PHF2: variants seen among roughly 807,000 people sequenced by gnomAD.
PHF2 encodes lysine-specific demethylase PHF2.
Under a neutral mutation model 120.5 loss-of-function variants are expected in PHF2, and 27 were observed. The ratio of observed to expected loss-of-function variants is 0.22; its 90% confidence interval spans 0.17 to 0.31. The LOEUF (loss-of-function observed/expected upper bound fraction) is 0.31, where lower values mean the gene tolerates loss of function less well. Ranked by LOEUF, PHF2 falls within the 10% of genes least tolerant of loss-of-function variation. The probability of loss-of-function intolerance (pLI) is 1.00; values close to 1 mark genes in which losing one functional copy is unlikely to be tolerated. For missense variants in PHF2, 1,024 were observed against 1,434.8 expected (o/e 0.71, Z 4.63); for synonymous variants, 568 against 592.5 (o/e 0.96, Z 0.60).
chr9:93,618,980 A>G lies in PHF2; in HGVS notation c.99-10990A>G, dbSNP rs1380068341. ...CCAGGCCTCACTCTAGTGCTTGTTC[A>G]CTTCCCTGTGGGTCTGATCCTCTTC... On this transcript the variant is annotated intron_variant, in intron 1 of 21. Coordinates refer to ENST00000359246, the MANE Select transcript of PHF2 (RefSeq NM_005392.4). 3.2e-4 allele frequency among the ~76,000 whole-genome samples: 3 copies of G among 9,378 alleles called. No individual in the cohort carries two copies. The East Asian group carries it at 8.3e-3, about 26-fold the overall frequency. 6.2% of individuals were successfully genotyped at this position (9,378 alleles called of 152,430 possible).
chr9:93,660,486 A>G lies in PHF2; in HGVS notation c.1624A>G (p.Ile542Val). The change falls in exon 12 of 22, where the codon ATC (isoleucine) becomes GTC (valine). Residue 542 changes from isoleucine (I) to valine (V), a missense_variant. Around this residue, in one of 2 missense-constraint regions of PHF2, gnomAD observed 677 missense variants for 857.4 expected, o/e 0.79. Coordinates refer to ENST00000359246, the MANE Select transcript of PHF2 (RefSeq NM_005392.4). The stretch of plus-strand genomic sequence containing the variant: ...GTCCCGGGAGTCAGCCTCACCCACC[A>G]TCCCCAACCTGGACCTGCTCGAAGC... ...KKSRESASPT[I>V]PNLDLLEAHT... 1 of 1,585,536 alleles carries G rather than the reference A, an allele frequency of 6.3e-7. No homozygotes were observed. The highest frequency in any genetic ancestry group is 8.6e-7 in the Non-Finnish European group (1 of 1,167,504).
Position 93,675,795 on chromosome 9 carries a change from G to T in PHF2, c.2832+6G>T. On this transcript the variant is annotated splice_donor_region_variant and intron_variant, in intron 20 of 21. Coordinates refer to ENST00000359246, the MANE Select transcript of PHF2 (RefSeq NM_005392.4). ...CAGCTAAGTTGTCCCAGCAGGTGAG[G>T]AGGGGCGAGAAGGACACACGGCAGC... 3 of 1,605,790 alleles carry T rather than the reference G, an allele frequency of 1.9e-6. No individual in the cohort carries two copies. Among genetic ancestry groups the T allele is most frequent in the East Asian group, 4.5e-5 (2 of 44,842 alleles).
At chr9:93,642,990 G>A (rs980644472) in intron 3 of PHF2, among the ~76,000 whole-genome samples, 2 of 151,716 alleles carry the variant, frequency 1.3e-5, no homozygotes, top group African/African-American at 4.8e-5. Context: ...GCATCCTCTT[G>A]ATTTCCTTCT....
In PHF2 at chr9:93,659,768, G is replaced by A. The variant is rs75271573; in HGVS notation, c.1329+168G>A. On this transcript the variant is annotated intron_variant, in intron 11 of 21. Transcript: ENST00000359246. ...CCTGGGCAAGCTTGCCTTTGTGAGG[G>A]CTCAGGGTCCTAGGTCTCTGGCTGG... Among the ~76,000 whole-genome samples, 1,244 of 152,334 alleles carry A rather than the reference G, an allele frequency of 8.2e-3. 20 individuals are homozygous for A. Among genetic ancestry groups the A allele is most frequent in the African/African-American group, 0.028 (1,159 of 41,568 alleles).
At chr9:93,634,785 C>G (rs1271769350) in intron 2 of PHF2, among the ~76,000 whole-genome samples, 1 of 152,234 alleles carries the variant, frequency 6.6e-6, no homozygotes, top group Non-Finnish European at 1.5e-5. Context: ...GCATAGGGGA[C>G]ACACAGGGAT....
At chr9:93,655,305 A>G (rs986247927) in intron 7 of PHF2, among the ~76,000 whole-genome samples, 3 of 147,588 alleles carry the variant, frequency 2.0e-5, no homozygotes, top group Non-Finnish European at 4.5e-5. Context: ...TTAAATAAGT[A>G]TCAAACTGAG....
chr9:93,613,946 G>A (rs1028329726), intron 1 of PHF2, among the ~76,000 whole-genome samples: 1 of 152,126 alleles, frequency 6.6e-6, no homozygotes, highest in African/African-American at 2.4e-5. Context: ...GCTGCCGGGT[G>A]GACCTGGTGC....
chr9:93,579,475 T>C (rs1256617741), intron 1 of PHF2, among the ~76,000 whole-genome samples: 1 of 152,222 alleles, frequency 6.6e-6, no homozygotes, highest in African/African-American at 2.4e-5. Context: ...GGCTGCTGAC[T>C]AAACTACAGG....
intron 1 of PHF2, among the ~76,000 whole-genome samples, chr9:93,595,622 C>T (rs934820771): frequency 2.0e-5 from 3 of 152,236 alleles, no homozygotes; most frequent in African/African-American, 7.2e-5. Context: ...TGCAGACACA[C>T]TTTATACACA....
At chr9:93,664,745 G>A (rs1826644323) in intron 14 of PHF2, among the ~76,000 whole-genome samples, 1 of 152,228 alleles carries the variant, frequency 6.6e-6, no homozygotes, top group Admixed American at 6.5e-5. Context: ...AGGTTCCTGG[G>A]AAGCTATTAA....
intron 1 of PHF2, among the ~76,000 whole-genome samples, chr9:93,585,028 A>G (rs750104210): frequency 1.3e-5 from 2 of 152,162 alleles, no homozygotes; most frequent in Non-Finnish European, 2.9e-5. Context: ...CTTCTTTTTC[A>G]GATTGTTCAT....
Position 93,673,608 on chromosome 9 carries a change from C to G in PHF2, c.2372C>G (p.Thr791Arg). 6.3e-7 allele frequency: 1 copy of G among 1,584,778 alleles called. No homozygotes were observed. Among genetic ancestry groups the G allele is most frequent in the Non-Finnish European group, 8.6e-7 (1 of 1,161,492 alleles). Residue 791 changes from threonine (T) to arginine (R), a missense_variant, in exon 18 of 22, where the codon ACA becomes AGA. Physicochemically the swap from Thr to Arg is moderately conservative, Grantham distance 71 (BLOSUM62 -1). Transcript: ENST00000359246. Reference sequence around the variant, plus strand: ...AGCCAGCCCCCGGCCTCCCCCAGCACACAGGAAGCCATTCAGGGAATGCTG... The same window carrying G: ...AGCCAGCCCCCGGCCTCCCCCAGCAGACAGGAAGCCATTCAGGGAATGCTG... ...PSSQPPASPS[T>R]QEAIQGMLSM...
At chr9:93,654,622 C>G (rs1349916752) in intron 7 of PHF2, 47 bp downstream of exon 7, 1 of 1,576,302 alleles carries the variant, frequency 6.3e-7, no homozygotes, top group South Asian at 1.1e-5. Flanking sequence ...CTTGCCGGCC[C>G]TCATCAAGCT....
At chr9:93,598,702 T>C (rs116964117) in intron 1 of PHF2, among the ~76,000 whole-genome samples, 4,221 of 152,280 alleles carry the variant, frequency 0.028, 128 homozygotes, top group East Asian at 0.12. Context: ...GGGATGAGGC[T>C]GTACTTTGAC....
At chr9:93,579,340 T>C (rs1004275593) in intron 1 of PHF2, among the ~76,000 whole-genome samples, 9 of 152,198 alleles carry the variant, frequency 5.9e-5, no homozygotes, top group African/African-American at 2.2e-4. Flanking sequence ...GAGGGGACTT[T>C]AGACTTACAA....
intron 17 of PHF2, chr9:93,670,896 G>A: frequency 1.5e-6 from 1 of 666,638 alleles, no homozygotes; most frequent in Non-Finnish European, 1.9e-6. Flanking sequence ...AGGGCAGCGG[G>A]GGTGCAGACA....
chr9:93,650,248 GAC>G (rs1826344419), intron 5 of PHF2, among the ~76,000 whole-genome samples: 1 of 151,768 alleles, frequency 6.6e-6, no homozygotes, highest in Non-Finnish European at 1.5e-5. Context: ...GGCATTCATG[GAC>G]ACACTTGTGG....
At chr9:93,641,685 A>G (rs1417785766) in intron 3 of PHF2, among the ~76,000 whole-genome samples, 1 of 152,218 alleles carries the variant, frequency 6.6e-6, no homozygotes, top group Non-Finnish European at 1.5e-5. Context: ...TTCTTTACAT[A>G]TTCTAGATAC....
chr9:93,596,152 G>A (rs1158836593), intron 1 of PHF2, among the ~76,000 whole-genome samples: 1 of 152,146 alleles, frequency 6.6e-6, no homozygotes, highest in Non-Finnish European at 1.5e-5. Flanking sequence ...GGGCTGTCCT[G>A]GGAAGCTGAC....
Sources: gnomAD v4.1 joint callset for allele counts (sites outside exome capture counted in the v4.1 genomes callset) on GRCh38, gnomAD v4.1.1 for gene constraint, gnomAD v4.1.1 regional missense constraint, MANE v1.5 for transcripts, NCBI Gene and HGNC (gene_info 2026-07-23, HGNC 2026-07-21) for gene names.